Variants in RPH3AL observed in about 807,000 individuals in gnomAD.
RPH3AL encodes the protein rab effector Noc2.
A neutral mutation model predicts 43.1 loss-of-function variants in RPH3AL; 38 were observed. The observed-to-expected ratio is 0.88, with a 90% CI of 0.68 to 1.15. RPH3AL has a LOEUF of 1.15. Ranked by LOEUF, RPH3AL falls within the 50% of genes most tolerant of loss-of-function variation. The probability of loss-of-function intolerance (pLI) is 0.00; values close to 1 mark genes in which losing one functional copy is unlikely to be tolerated. For missense variants in RPH3AL, 462 were observed against 423.2 expected (o/e 1.09, Z -0.81); for synonymous variants, 189 against 176.3 (o/e 1.07, Z -0.57).
rs1432938052 is a variant in RPH3AL, at chr17:259,798, G to A, written c.439-12513C>T. Among the ~76,000 whole-genome samples, 5 of 152,254 alleles carry A rather than the reference G, an allele frequency of 3.3e-5. No individual in the cohort carries two copies. In the East Asian group the frequency reaches 9.6e-4, roughly 29 times the overall value. On this transcript the variant is annotated intron_variant, in intron 6 of 9. Transcript: ENST00000331302. ...TGCTCCGCTTCCAGGTTTGCATTAC[G>A]GTTTCAGCTCACGGCCAATCTGACT... is the stretch of plus-strand genomic sequence containing the variant.
rs1567580211 is a variant in RPH3AL at position 245,178 on chromosome 17, C to T, written c.613+1933G>A. On this transcript the variant is annotated intron_variant, in intron 7 of 9. Coordinates refer to ENST00000331302, the MANE Select transcript of RPH3AL (RefSeq NM_006987.4). The surrounding 1 kb of genome is among the most constrained non-coding windows in gnomAD (Gnocchi z 5.9). ...GTGCACATGGATGTGTCTGTGTGTACGTGGATGTCTGTGTGTGTGGATGTG... is the reference window on the plus strand; with the variant it reads ...GTGCACATGGATGTGTCTGTGTGTATGTGGATGTCTGTGTGTGTGGATGTG... 7.7e-6 allele frequency among the ~76,000 whole-genome samples: 1 copy of T among 130,124 alleles called. No homozygotes were observed. Among genetic ancestry groups the T allele is most frequent in the South Asian group, 2.7e-4 (1 of 3,768 alleles). The allele number at this position is 130,124 out of a possible 152,430, so 85.4% of individuals were successfully genotyped here.
At chr17:338,810 A>T (rs2045032114) in intron 1 of RPH3AL, 1 of 152,000 alleles carries the variant, frequency 6.6e-6, no homozygotes, top group Non-Finnish European at 1.5e-5. Context: ...CCCAAGAGAA[A>T]CCTCTCCATG....
At chr17:261,413 C>G (rs1017489906) in intron 6 of RPH3AL, among the ~76,000 whole-genome samples, 1 of 152,202 alleles carries the variant, frequency 6.6e-6, no homozygotes, top group African/African-American at 2.4e-5. Context: ...AGAAAGAGAG[C>G]CTTCACCAGG....
At chr17:326,547 G>C (rs1348372713) in intron 3 of RPH3AL, among the ~76,000 whole-genome samples, 2 of 152,066 alleles carry the variant, frequency 1.3e-5, no homozygotes, top group East Asian at 3.9e-4. Flanking sequence ...GAGATGGCCT[G>C]ACCTACCCAG....
chr17:213,552 C>A lies in RPH3AL; in HGVS notation c.*300G>T. On this transcript the variant is annotated 3_prime_UTR_variant, in exon 10 of 10. Transcript: ENST00000331302. ...ATGTGGGAAACCCCCCAGCCCAACC[C>A]AAGACACGCGCAAACTTAAAATCAT... 2.0e-6 allele frequency: 1 copy of A among 505,302 alleles called. No homozygotes were observed. Among genetic ancestry groups the A allele is most frequent in the Non-Finnish European group, 3.6e-6 (1 of 278,086 alleles). The allele number at this position is 505,302 out of a possible 1,614,324, so 31.3% of individuals were successfully genotyped here.
At chr17:307,428 C>A (rs563452768) in intron 5 of RPH3AL, among the ~76,000 whole-genome samples, 1 of 150,924 alleles carries the variant, frequency 6.6e-6, no homozygotes, top group Non-Finnish European at 1.5e-5. Context: ...ATCCTCCCCA[C>A]GGCAGGTCCT....
At position 322,598 on chromosome 17, in the gene RPH3AL, AG is replaced by A. The variant is rs1241501384; in HGVS notation, c.78-1184del. ...TAAATAAGAGAATTACCCAGCAGGG[AG>A]GGGATGAGGCTCTGGAAAGGCTCGC... On this transcript the variant is annotated intron_variant, in intron 3 of 9. Transcript: ENST00000331302. This position sits in a 1 kb window ranked among gnomAD's most constrained non-coding sequence, Gnocchi z 4.0. 1.3e-5 allele frequency: 2 copies of A among 152,112 alleles called. No homozygotes were observed. The highest frequency in any genetic ancestry group is 4.8e-5 in the African/African-American group (2 of 41,390). The allele number at this position is 152,112 out of a possible 1,614,324, so 9.4% of individuals were successfully genotyped here. A position where few individuals can be genotyped will look rare whatever the true frequency, so the allele number is the denominator to read the frequency against.
intron 7 of RPH3AL, among the ~76,000 whole-genome samples, chr17:241,896 G>C (rs1045020951): frequency 6.6e-6 from 1 of 152,060 alleles, no homozygotes; most frequent in African/African-American, 2.4e-5. Flanking sequence ...CAGGTGAATT[G>C]TTTGAGGCCA....
At chr17:321,677 G>C in intron 3 of RPH3AL, 1 of 442,922 alleles carries the variant, frequency 2.3e-6, no homozygotes, top group East Asian at 3.7e-5. Flanking sequence ...AGACGGGGCA[G>C]GTGCTGTGTG....
chr17:224,749 T>C (rs1200668884), intron 7 of RPH3AL, among the ~76,000 whole-genome samples: 2 of 151,932 alleles, frequency 1.3e-5, no homozygotes, highest in African/African-American at 2.4e-5. Context: ...ATTAAGAAAA[T>C]GTGGCACATA....
At chr17:315,532 G>GCCCCAC (rs2043985760) in intron 5 of RPH3AL, among the ~76,000 whole-genome samples, 10 of 149,384 alleles carry the variant, frequency 6.7e-5, no homozygotes, top group African/African-American at 7.6e-5. Context: ...TAGTCCCTGT[G>GCCCCAC]CTCCCACCTC....
chr17:332,213 C>G (rs1190309849), intron 2 of RPH3AL: 1 of 309,160 alleles, frequency 3.2e-6, no homozygotes, highest in African/African-American at 2.2e-5. Context: ...AGACGTGATC[C>G]CCAGGGCCAG....
intron 6 of RPH3AL, among the ~76,000 whole-genome samples, chr17:262,412 C>T (rs1692216760): frequency 6.6e-6 from 1 of 152,148 alleles, no homozygotes; most frequent in Non-Finnish European, 1.5e-5. Flanking sequence ...GACGGGGTTT[C>T]ACCATGTTCG....
In RPH3AL at chr17:290,158, T is replaced by G. The variant is rs1421728353; in HGVS notation, c.352-8304A>C. ...ATGCCGACCTGCCGGGAAGACAAGC[T>G]GCACGGAGGCGTGAAGGCACTCGCT... is the stretch of plus-strand genomic sequence containing the variant. On this transcript the variant is annotated intron_variant, in intron 5 of 9. Coordinates refer to ENST00000331302, the MANE Select transcript of RPH3AL (RefSeq NM_006987.4). The surrounding 1 kb of genome is among the most constrained non-coding windows in gnomAD (Gnocchi z 4.2). 6.6e-6 allele frequency among the ~76,000 whole-genome samples: 1 copy of G among 152,262 alleles called. No individual in the cohort carries two copies. The highest frequency in any genetic ancestry group is 2.4e-5 in the African/African-American group (1 of 41,480).
intron 5 of RPH3AL, among the ~76,000 whole-genome samples, chr17:312,008 T>C (rs1337447212): frequency 6.6e-6 from 1 of 152,000 alleles, no homozygotes; most frequent in Non-Finnish European, 1.5e-5. Flanking sequence ...AGTGTCTTTA[T>C]AAGAAAAGGG....
chr17:350,454 T>C (rs917547358), intron 1 of RPH3AL, among the ~76,000 whole-genome samples: 4 of 151,754 alleles, frequency 2.6e-5, no homozygotes, highest in African/African-American at 4.9e-5. Context: ...CCACTAAAAA[T>C]ACAAAAATTA....
chr17:219,508 T>G, intron 8 of RPH3AL, 115 bp downstream of exon 8: 9 of 363,416 alleles, frequency 2.5e-5, no homozygotes, highest in East Asian at 4.8e-5. Flanking sequence ...AATAGTTTCA[T>G]TTCTTTTCTT....
In RPH3AL at chr17:213,656, C is replaced by T. The variant is rs538814172; in HGVS notation, c.*196G>A. The T allele has an allele frequency of 6.1e-5, 37 of 606,610 alleles. No individual in the cohort carries two copies. The highest frequency in any genetic ancestry group is 1.7e-4 in the South Asian group (9 of 51,946). The allele number at this position is 606,610 out of a possible 1,614,324, so 37.6% of individuals were successfully genotyped here. A position where few individuals can be genotyped will look rare whatever the true frequency, so the allele number is the denominator to read the frequency against. On this transcript the variant is annotated 3_prime_UTR_variant, in exon 10 of 10. Coordinates refer to ENST00000331302, the MANE Select transcript of RPH3AL (RefSeq NM_006987.4). ...TGAGGGCAGTGGTTGGAGGGGGTGG[C>T]GGATGCAGACAGCTCCCCAGGAGAG... is the stretch of plus-strand genomic sequence containing the variant.
chr17:337,102 A>G (rs149253580), intron 1 of RPH3AL, among the ~76,000 whole-genome samples: 1 of 146,848 alleles, frequency 6.8e-6, no homozygotes, highest in Non-Finnish European at 1.5e-5. Context: ...GGAACTACGT[A>G]CATCGGTTAC....
Sources: gnomAD v4.1 joint callset for allele counts (sites outside exome capture counted in the v4.1 genomes callset) on GRCh38, gnomAD v4.1.1 for gene constraint, Gnocchi (gnomAD v3.1) non-coding constraint, MANE v1.5 for transcripts, NCBI Gene and HGNC (gene_info 2026-07-23, HGNC 2026-07-21) for gene names.